UVSSA: variants seen among roughly 807,000 people sequenced by gnomAD.
The protein encoded by UVSSA is UV-stimulated scaffold protein A.
In UVSSA, 72 loss-of-function variants were observed where a neutral mutation model predicts 73.9. That is an observed-to-expected ratio of 0.97 (90% CI 0.81 to 1.19). The LOEUF is 1.19. Among genes scored for constraint, UVSSA ranks in the 50% most tolerant of loss-of-function variants. UVSSA has a pLI of 0.00. For missense variants in UVSSA, 1,150 were observed against 965.0 expected, an observed-to-expected ratio of 1.19 and a Z score of -2.54; for synonymous variants, 454 against 391.3, an observed-to-expected ratio of 1.16 and a Z score of -1.89.
At chr4:1,344,477 G>A (rs1391298989), upstream of UVSSA, among the ~76,000 whole-genome samples, 1 of 151,368 alleles carries the variant, frequency 6.6e-6, no homozygotes, top group Non-Finnish European at 1.5e-5. Flanking sequence ...TTTGAACCTG[G>A]GAGGCAGAGG....
At chr4:1,395,920 A>T (rs1270715803) in exon 14 of UVSSA, 1 of 1,563,698 alleles carries the variant, frequency 6.4e-7, no homozygotes, top group East Asian at 2.2e-5. Context: ...CTGATTTGTT[A>T]GCCTGGTGCT....
Position 1,380,165 on chromosome 4 carries a change from G to C in UVSSA, c.1687G>C (p.Val563Leu), listed in dbSNP as rs1276102059. 2 of 1,613,170 alleles carry C rather than the reference G, an allele frequency of 1.2e-6. No individual in the cohort carries two copies. Among genetic ancestry groups the C allele is most frequent in the Non-Finnish European group, 8.5e-7 (1 of 1,180,014 alleles). The change falls in exon 11 of 14, where the codon GTG becomes CTG. Residue 563 changes from valine to leucine, a missense_variant. Coordinates refer to ENST00000389851, the MANE Select transcript of UVSSA (RefSeq NM_020894.4). ...CACTTTTGCCGGGAAGTTTGAGCCT[G>C]TGCAGCACTGGTGCCGTGCCCCGAG... ...HITFAGKFEP[V>L]QHWCRAPRPD...
upstream of UVSSA, among the ~76,000 whole-genome samples, chr4:1,344,149 T>C (rs1713525448): frequency 6.6e-6 from 1 of 152,186 alleles, no homozygotes; most frequent in Non-Finnish European, 1.5e-5. Flanking sequence ...TTGTCACTAG[T>C]TTTCTGCAAT....
intron 10 of UVSSA, among the ~76,000 whole-genome samples, chr4:1,376,672 T>G (rs774201606): frequency 3.5e-4 from 53 of 152,284 alleles, no homozygotes; most frequent in Non-Finnish European, 6.3e-4. Flanking sequence ...TCTGTGAAGC[T>G]GCAGCAGAAG....
chr4:1,375,556 C>T, intron 9 of UVSSA, 48 bp downstream of exon 9: 6 of 1,586,044 alleles, frequency 3.8e-6, no homozygotes, highest in Non-Finnish European at 5.1e-6. Context: ...GGCGCTGCCA[C>T]AGCCTCTGCC....
chr4:1,353,524 G>A, intron 5 of UVSSA, 111 bp downstream of exon 5: 1 of 1,375,130 alleles, frequency 7.3e-7, no homozygotes, highest in East Asian at 2.6e-5. Flanking sequence ...GCCTCCCCTG[G>A]GGAGCTAGGT....
intron 7 of UVSSA, among the ~76,000 whole-genome samples, chr4:1,362,657 G>A (rs1218506670): frequency 2.0e-5 from 3 of 152,210 alleles, no homozygotes; most frequent in Non-Finnish European, 4.4e-5. Flanking sequence ...CAGACCCGTG[G>A]TGCTGGCCCC....
At position 1,351,552 on chromosome 4, in the gene UVSSA, A is replaced by AT. The variant is rs568824638; in HGVS notation, c.430-153dup. ...AGGCGCCCGCCACCTCGCCTGGCTAATTTTTTTTTTGTATTTTTAGTAGAG... is the reference window on the plus strand; with the variant it reads ...AGGCGCCCGCCACCTCGCCTGGCTAATTTTTTTTTTTGTATTTTTAGTAGAG... On this transcript the variant is annotated intron_variant, in intron 3 of 13. Transcript: ENST00000389851. Among the ~76,000 whole-genome samples, 16 of 138,522 alleles carry AT rather than the reference A, an allele frequency of 1.2e-4. No homozygotes were observed. In the South Asian group the frequency reaches 1.2e-3, roughly 10 times the overall value. 90.9% of individuals were successfully genotyped at this position (138,522 alleles called of 152,430 possible).
chr4:1,367,001 A>G (rs909110861), intron 8 of UVSSA, among the ~76,000 whole-genome samples: 4 of 151,980 alleles, frequency 2.6e-5, no homozygotes. Context: ...AGGGGCCACC[A>G]CCCCGCGCCT....
chr4:1,359,515 C>G (rs1716309175), intron 7 of UVSSA: 1 of 152,232 alleles, frequency 6.6e-6, no homozygotes, highest in Admixed American at 6.5e-5. Flanking sequence ...GCCAGTGAGT[C>G]AGAAACGCAT....
At chr4:1,380,502 A>G in intron 11 of UVSSA, 1 of 864,512 alleles carries the variant, frequency 1.2e-6, no homozygotes, top group South Asian at 1.8e-5. Flanking sequence ...AGTATCCTCC[A>G]TGGTTGCAGC....
chr4:1,364,875 G>A (rs540243476), intron 7 of UVSSA, among the ~76,000 whole-genome samples: 1 of 152,324 alleles, frequency 6.6e-6, no homozygotes, highest in South Asian at 2.1e-4. Context: ...CTGAAGGTGA[G>A]GAATGACCGC....
chr4:1,360,628 C>T (rs74912696), intron 7 of UVSSA, among the ~76,000 whole-genome samples: 1 of 152,212 alleles, frequency 6.6e-6, no homozygotes, highest in African/African-American at 2.4e-5. Context: ...TGGCTGCACT[C>T]TCCTTCCCTG....
intron 3 of UVSSA, among the ~76,000 whole-genome samples, chr4:1,351,092 G>A (rs1289921114): frequency 2.6e-5 from 4 of 152,088 alleles, no homozygotes; most frequent in Admixed American, 2.0e-4. Flanking sequence ...TTAAGATGGA[G>A]TATTGCTTTG....
chr4:1,374,394 G>A (rs897891873), intron 8 of UVSSA, among the ~76,000 whole-genome samples: 1 of 152,238 alleles, frequency 6.6e-6, no homozygotes, highest in Non-Finnish European at 1.5e-5. Flanking sequence ...CGTCAGGGTC[G>A]GGGTGAGCCC....
chr4:1,361,160 G>T (rs1716570325), intron 7 of UVSSA, among the ~76,000 whole-genome samples: 1 of 152,242 alleles, frequency 6.6e-6, no homozygotes, highest in South Asian at 2.1e-4. Flanking sequence ...CGACCTCCAG[G>T]TATCTTGTGA....
At chr4:1,358,643 T>C (rs1882098) in intron 7 of UVSSA, 115,749 of 152,302 alleles carry the variant, frequency 0.76, 44,915 homozygotes, top group African/African-American at 0.92. Context: ...GCGCGGCCGC[T>C]GCGTCCGAGT....
At chr4:1,358,249 CAG>C (rs1200043691) in intron 7 of UVSSA, among the ~76,000 whole-genome samples, 1 of 152,244 alleles carries the variant, frequency 6.6e-6, no homozygotes, top group Non-Finnish European at 1.5e-5. Context: ...CCAGGACTGA[CAG>C]TGCTTGGAGG....
At chr4:1,379,963 G>C (rs35735964) in intron 10 of UVSSA, 84 bp from the exon 11 acceptor site, 4 of 1,469,946 alleles carry the variant, frequency 2.7e-6, no homozygotes, top group Non-Finnish European at 3.7e-6. Context: ...GTGGTGTTTG[G>C]CCTTCCCCTG....
Sources: allele counts gnomAD v4.1 joint callset (sites outside exome capture counted in the v4.1 genomes callset), GRCh38; gene constraint gnomAD v4.1.1; transcripts MANE v1.5; gene names NCBI Gene and HGNC (gene_info 2026-07-23, HGNC 2026-07-21).